The following CYBRD1 variants were observed in gnomAD, a reference collection of about 807,000 sequenced individuals.
CYBRD1 encodes plasma membrane ascorbate-dependent reductase CYBRD1.
In CYBRD1, 14 loss-of-function variants were observed where a neutral mutation model predicts 21.9. That is an observed-to-expected ratio of 0.64 (90% CI 0.42 to 1.00). CYBRD1 has a LOEUF of 1.00. Among genes scored for constraint, CYBRD1 ranks in the 50% least tolerant of loss-of-function variants. The pLI is 0.00. For synonymous variants in CYBRD1, 146 were observed against 136.5 expected (o/e 1.07, Z -0.48); for missense variants, 328 against 352.5 (o/e 0.93, Z 0.56).
At chr2:171,528,941 A>G (rs2105330409) in intron 1 of CYBRD1, among the ~76,000 whole-genome samples, 1 of 152,332 alleles carries the variant, frequency 6.6e-6, no homozygotes, top group Non-Finnish European at 1.5e-5. Flanking sequence ...AATTCAAAAT[A>G]CAGTATTATC....
chr2:171,531,154 CAAA>C (rs5836342), intron 1 of CYBRD1, among the ~76,000 whole-genome samples: 5 of 114,680 alleles, frequency 4.4e-5, no homozygotes, highest in Admixed American at 2.0e-4. Flanking sequence ...GACCCTGTCT[CAAA>C]AAAAAAAAAA....
intron 1 of CYBRD1, among the ~76,000 whole-genome samples, chr2:171,540,583 A>C (rs1027500380): frequency 6.6e-6 from 1 of 152,192 alleles, no homozygotes; most frequent in Non-Finnish European, 1.5e-5. Context: ...TGTTCTCATT[A>C]AAGCACTCAT....
rs1306665352 is a variant in CYBRD1 at position 171,522,704 on chromosome 2, C to T, written c.159C>T (p.Leu53=). ...SALEFNWHPV[L]MVTGFVFIQG... ...TAGAGTTTAACTGGCACCCAGTGCT[C>T]ATGGTCACCGGCTTCGTCTTCATCC... Residue 53 remains leucine, a synonymous_variant, in exon 1 of 4, where the codon CTC becomes CTT. Transcript: ENST00000321348. This position sits in a 1 kb window ranked among gnomAD's most constrained non-coding sequence, Gnocchi z 4.3. The T allele has an allele frequency of 3.1e-6, 5 of 1,613,410 alleles. No homozygotes were observed. The highest frequency in any genetic ancestry group is 1.7e-5 in the Admixed American group (1 of 59,996).
upstream of CYBRD1, chr2:171,522,392 C>A: frequency 1.3e-6 from 2 of 1,496,182 alleles, no homozygotes; most frequent in Non-Finnish European, 1.8e-6. This position sits in a 1 kb window ranked among gnomAD's most constrained non-coding sequence, Gnocchi z 4.3. Flanking sequence ...AGAGGCCCCA[C>A]ATTCCGGGCC....
At position 171,541,173 on chromosome 2, in the gene CYBRD1, C is replaced by T. The variant is rs138836993; in HGVS notation, c.194-412C>T. On this transcript the variant is annotated intron_variant, in intron 1 of 3. Transcript: ENST00000321348. ...AGATGTCTGGGAAGCAAACGCCGTA[C>T]GGAAATACCAAGAAGACATTGGATT... 1.9e-3 allele frequency: 425 copies of T among 220,710 alleles called. 7 individuals carry two copies. Among genetic ancestry groups the T allele is most frequent in the African/African-American group, 9.1e-3 (397 of 43,482 alleles). 13.7% of individuals were successfully genotyped at this position (220,710 alleles called of 1,614,324 possible). A position where few individuals can be genotyped will look rare whatever the true frequency, so the allele number is the denominator to read the frequency against.
At chr2:171,545,383 TG>T (rs56867575) in intron 2 of CYBRD1, among the ~76,000 whole-genome samples, 89,486 of 135,134 alleles carry the variant, frequency 0.66, 31,066 homozygotes, top group African/African-American at 0.82. Flanking sequence ...ATACCTTTTT[TG>T]TTTTTTTTTT....
At position 171,522,873 on chromosome 2, in the gene CYBRD1, C is replaced by T; in HGVS notation, c.193+135C>T. On this transcript the variant is annotated intron_variant, in intron 1 of 3. Coordinates refer to ENST00000321348, the MANE Select transcript of CYBRD1 (RefSeq NM_024843.4). This position sits in a 1 kb window ranked among gnomAD's most constrained non-coding sequence, Gnocchi z 4.3. ...GCCCGGAGGAGTGCGGTGAGGAGCG[C>T]GCGGGAAGCCAAGTCGGCTGGGCGG... 1.4e-6 allele frequency: 2 copies of T among 1,411,840 alleles called. No individual in the cohort carries two copies. The allele number at this position is 1,411,840 out of a possible 1,614,324, so 87.5% of individuals were successfully genotyped here. A position where few individuals can be genotyped will look rare whatever the true frequency, so the allele number is the denominator to read the frequency against.
rs185885200 is a variant in CYBRD1, at chr2:171,552,964, A to G, written c.403-382A>G. 6.8e-3 allele frequency among the ~76,000 whole-genome samples: 1,034 copies of G among 152,316 alleles called. 10 individuals carry two copies. The highest frequency in any genetic ancestry group is 0.023 in the African/African-American group (974 of 41,568). ...GTACCAGAATGTTCACTATAGTCGGATTAAGGATAGCAAAAACCAAACAGA... is the reference window on the plus strand; with the variant it reads ...GTACCAGAATGTTCACTATAGTCGGGTTAAGGATAGCAAAAACCAAACAGA... On this transcript the variant is annotated intron_variant, in intron 2 of 3. Transcript: ENST00000321348.
chr2:171,522,272 G>A, upstream of CYBRD1: 1 of 1,549,204 alleles, frequency 6.5e-7, no homozygotes, highest in Non-Finnish European at 8.7e-7. This position sits in a 1 kb window ranked among gnomAD's most constrained non-coding sequence, Gnocchi z 4.3. Context: ...TGCGAGCTTG[G>A]ATGCTGGACG....
At chr2:171,553,323 C>A (rs536929544) in intron 2 of CYBRD1, 23 bp from the exon 3 acceptor site, 2 of 1,612,570 alleles carry the variant, frequency 1.2e-6, no homozygotes, top group African/African-American at 2.7e-5. Flanking sequence ...TAAATGATAA[C>A]CTTTGCACTT....
intron 2 of CYBRD1, among the ~76,000 whole-genome samples, chr2:171,548,003 G>A (rs774706349): frequency 4.6e-5 from 7 of 152,146 alleles, no homozygotes; most frequent in Non-Finnish European, 1.0e-4. Flanking sequence ...AGACAGTGTA[G>A]CAAGGAGATG....
At chr2:171,552,492 T>C (rs17222606) in intron 2 of CYBRD1, among the ~76,000 whole-genome samples, 22,606 of 152,042 alleles carry the variant, frequency 0.15, 1,757 homozygotes, top group African/African-American at 0.15. Context: ...GTTAGTGCTT[T>C]CTCCCCACTC....
At position 171,522,848 on chromosome 2, in the gene CYBRD1, G is replaced by C; in HGVS notation, c.193+110G>C. 3 of 1,529,084 alleles carry C rather than the reference G, an allele frequency of 2.0e-6. No individual in the cohort carries two copies. The highest frequency in any genetic ancestry group is 2.6e-6 in the Non-Finnish European group (3 of 1,134,034). 94.7% of individuals were successfully genotyped at this position (1,529,084 alleles called of 1,614,324 possible). On this transcript the variant is annotated intron_variant, in intron 1 of 3. Transcript: ENST00000321348. The surrounding 1 kb of genome is among the most constrained non-coding windows in gnomAD (Gnocchi z 4.3). Reference sequence around the variant, plus strand: ...TGAGGAAGTGCTGGAGGATCGCGGGGCCCGGAGGAGTGCGGTGAGGAGCGC... The same window carrying C: ...TGAGGAAGTGCTGGAGGATCGCGGGCCCCGGAGGAGTGCGGTGAGGAGCGC...
In CYBRD1 at chr2:171,553,583, A is replaced by G. The variant is rs1049084215; in HGVS notation, c.557+83A>G. 7.9e-6 allele frequency: 10 copies of G among 1,262,330 alleles called. No individual in the cohort carries two copies. In the African/African-American group the frequency reaches 1.2e-4, roughly 16 times the overall value. 78.2% of individuals were successfully genotyped at this position (1,262,330 alleles called of 1,614,324 possible). On this transcript the variant is annotated intron_variant, in intron 3 of 3. Transcript: ENST00000321348. ...TTCACTGGGAAAATGTAATAAAAAT[A>G]TAACAAAATTTTTTAGATATTAAAA...
Position 171,555,229 on chromosome 2 carries a change from G to A in CYBRD1, c.*402G>A, listed in dbSNP as rs1683463794. The A allele has an allele frequency of 3.9e-6, 1 of 259,066 alleles. No homozygotes were observed. 16.0% of individuals were successfully genotyped at this position (259,066 alleles called of 1,614,324 possible). A position where few individuals can be genotyped will look rare whatever the true frequency, so the allele number is the denominator to read the frequency against. On this transcript the variant is annotated 3_prime_UTR_variant, in exon 4 of 4. Coordinates refer to ENST00000321348, the MANE Select transcript of CYBRD1 (RefSeq NM_024843.4). The stretch of plus-strand genomic sequence containing the variant: ...GGAGACAATGATTTCACAACTAGCG[G>A]GAAGCAGTCCTAAAAGTTTAAAATC...
At chr2:171,543,409 C>G (rs1330019096) in intron 2 of CYBRD1, among the ~76,000 whole-genome samples, 3 of 152,176 alleles carry the variant, frequency 2.0e-5, no homozygotes, top group African/African-American at 7.2e-5. Context: ...CCCTTCATCT[C>G]CCTACCAGCA....
intron 1 of CYBRD1, among the ~76,000 whole-genome samples, chr2:171,524,849 ACTTCT>A (rs1447123746): frequency 6.6e-6 from 1 of 152,206 alleles, no homozygotes; most frequent in African/African-American, 2.4e-5. Flanking sequence ...TAAACTTTGT[ACTTCT>A]CTTAATCTGT....
At chr2:171,553,585 A>G in intron 3 of CYBRD1, 85 bp downstream of exon 3, 7 of 1,247,536 alleles carry the variant, frequency 5.6e-6, no homozygotes, top group Non-Finnish European at 7.4e-6. Flanking sequence ...ATAAAAATAT[A>G]ACAAAATTTT....
intron 2 of CYBRD1, 115 bp from the exon 3 acceptor site, chr2:171,553,231 C>A: frequency 1.6e-6 from 2 of 1,224,520 alleles, no homozygotes; most frequent in Non-Finnish European, 2.3e-6. Context: ...TCATTTTCTA[C>A]CCTTTGGTTC....
Sources: gnomAD v4.1 joint callset for allele counts (sites outside exome capture counted in the v4.1 genomes callset) on GRCh38, gnomAD v4.1.1 for gene constraint, Gnocchi (gnomAD v3.1) non-coding constraint, MANE v1.5 for transcripts, NCBI Gene and HGNC (gene_info 2026-07-23, HGNC 2026-07-21) for gene names.